Variants in OR1J2 observed in about 807,000 individuals in gnomAD.
OR1J2 encodes the protein olfactory receptor family 1 subfamily J member 2.
For synonymous variants in OR1J2, 142 were observed against 99.7 expected, an observed-to-expected ratio of 1.42 and a Z score of -2.52; for missense variants, 304 against 246.1, an observed-to-expected ratio of 1.24 and a Z score of -1.57.
the OR1J2 span, among the ~76,000 whole-genome samples, chr9:122,565,198 G>A: frequency 6.6e-6 from 1 of 152,172 alleles, no homozygotes; most frequent in African/African-American, 2.4e-5. Context: ...TGGGTGATCA[G>A]GGATTTGGAA....
downstream of OR1J2, among the ~76,000 whole-genome samples, chr9:122,514,239 A>T (rs1476533732): frequency 6.6e-6 from 1 of 152,190 alleles, no homozygotes; most frequent in South Asian, 2.1e-4. Context: ...ATGATATATC[A>T]TCACCCAGAT....
the OR1J2 span, among the ~76,000 whole-genome samples, chr9:122,500,350 G>A: frequency 4.9e-3 from 742 of 152,254 alleles, 2 homozygotes; most frequent in African/African-American, 0.017. Flanking sequence ...CCTCTCTCAC[G>A]TACTGGAGCT....
At chr9:122,468,327 A>G in the OR1J2 span, among the ~76,000 whole-genome samples, 4 of 152,226 alleles carry the variant, frequency 2.6e-5, no homozygotes, top group East Asian at 3.9e-4. Flanking sequence ...AGAAATGCCA[A>G]CTTTGTGAGT....
At chr9:122,539,942 A>G in the OR1J2 span, among the ~76,000 whole-genome samples, 10 of 151,660 alleles carry the variant, frequency 6.6e-5, no homozygotes, top group Non-Finnish European at 7.4e-5. Flanking sequence ...CATATCCTTC[A>G]CCCACTTTTT....
chr9:122,506,720 G>T (rs1169093316), upstream of OR1J2, among the ~76,000 whole-genome samples: 2 of 152,056 alleles, frequency 1.3e-5, no homozygotes, highest in Non-Finnish European at 2.9e-5. Flanking sequence ...GAGATAGAAT[G>T]TAAAAAGACA....
the OR1J2 span, among the ~76,000 whole-genome samples, chr9:122,539,383 T>C: frequency 4.0e-5 from 6 of 151,772 alleles, no homozygotes; most frequent in East Asian, 1.2e-3. Context: ...TTTGTCCTTG[T>C]GATAGTTTGC....
chr9:122,503,835 G>A, the OR1J2 span, among the ~76,000 whole-genome samples: 1 of 152,194 alleles, frequency 6.6e-6, no homozygotes, highest in African/African-American at 2.4e-5. Context: ...AACTTTTTGA[G>A]CAGGGAGTAT....
At chr9:122,564,404 G>T in the OR1J2 span, among the ~76,000 whole-genome samples, 1,471 of 152,168 alleles carry the variant, frequency 9.7e-3, 22 homozygotes, top group African/African-American at 0.034. Context: ...CTTGTGGAGT[G>T]GGGGGGTATT....
chr9:122,481,169 A>G, the OR1J2 span, among the ~76,000 whole-genome samples: 1 of 152,006 alleles, frequency 6.6e-6, no homozygotes, highest in Non-Finnish European at 1.5e-5. Flanking sequence ...TTTAGCTCCC[A>G]CTTACAAGTG....
At chr9:122,554,188 A>G in the OR1J2 span, 1 of 1,556,070 alleles carries the variant, frequency 6.4e-7, no homozygotes, top group Admixed American at 1.8e-5. Flanking sequence ...GTGATGTCTA[A>G]TCTTGATCAA....
chr9:122,519,162 AGT>A, the OR1J2 span: 1 of 1,606,884 alleles, frequency 6.2e-7, no homozygotes, highest in Non-Finnish European at 8.5e-7. Context: ...GAATCAGAGC[AGT>A]GTGTCTGAGT....
chr9:122,565,825 C>G, the OR1J2 span, among the ~76,000 whole-genome samples: 4 of 152,084 alleles, frequency 2.6e-5, no homozygotes. Flanking sequence ...AACTGTTTGC[C>G]TAGTATTTTA....
chr9:122,477,553 G>A, the OR1J2 span: 1 of 1,613,932 alleles, frequency 6.2e-7, no homozygotes, highest in Non-Finnish European at 8.5e-7. Flanking sequence ...ATGACAGATG[G>A]CCACATACCT....
chr9:122,458,342 G>T, the OR1J2 span, among the ~76,000 whole-genome samples: 1 of 152,114 alleles, frequency 6.6e-6, no homozygotes, highest in African/African-American at 2.4e-5. Flanking sequence ...TTGAATTGTG[G>T]TGTGCTAAAG....
At chr9:122,487,164 C>T in the OR1J2 span, among the ~76,000 whole-genome samples, 1 of 151,858 alleles carries the variant, frequency 6.6e-6, no homozygotes, top group Non-Finnish European at 1.5e-5. Flanking sequence ...TCATTAAAAG[C>T]TTATGATATA....
chr9:122,553,097 C>CT, the OR1J2 span: 734,687 of 1,096,020 alleles, frequency 0.67, 253,087 homozygotes, highest in East Asian at 0.99. Flanking sequence ...TTTTTCTTTT[C>CT]TTTTTCTCCC....
chr9:122,462,720 GT>G, the OR1J2 span, among the ~76,000 whole-genome samples: 1 of 152,088 alleles, frequency 6.6e-6, no homozygotes, highest in Non-Finnish European at 1.5e-5. Flanking sequence ...GCTGATAATT[GT>G]TTTGTTTATG....
upstream of OR1J2, among the ~76,000 whole-genome samples, chr9:122,506,961 G>A (rs1828532240): frequency 6.6e-6 from 1 of 152,122 alleles, no homozygotes; most frequent in Admixed American, 6.5e-5. Context: ...AGGAATTTTG[G>A]GAAGGCCTCC....
the OR1J2 span, among the ~76,000 whole-genome samples, chr9:122,535,867 G>A: frequency 2.0e-5 from 3 of 152,250 alleles, no homozygotes; most frequent in Admixed American, 6.5e-5. Context: ...AGATAGGGGT[G>A]GGGCCGTTTT....
Sources: allele counts gnomAD v4.1 joint callset (sites outside exome capture counted in the v4.1 genomes callset), GRCh38; gene constraint gnomAD v4.1.1; transcripts MANE v1.5; gene names NCBI Gene and HGNC (gene_info 2026-07-23, HGNC 2026-07-21).